Variants in LRRK1 observed in about 807,000 individuals in gnomAD.
LRRK1 encodes the protein leucine rich repeat kinase 1, also known as leucine-rich repeat serine/threonine-protein kinase 1.
In LRRK1, 113 loss-of-function variants were observed where a neutral mutation model predicts 209.1. The observed-to-expected ratio is 0.54, with a 90% confidence interval of 0.46 to 0.63. The LOEUF (loss-of-function observed/expected upper bound fraction) is 0.63, where lower values mean the gene tolerates loss of function less well. LRRK1 is among the 30% of genes least tolerant of loss of function. LRRK1 has a pLI of 0.00. For missense variants in LRRK1, 2,284 were observed against 2,632.2 expected (o/e 0.87, Z 2.89); for synonymous variants, 1,144 against 1,099.7 (o/e 1.04, Z -0.80).
chr15:100,958,770 C>T (rs1015745895), intron 2 of LRRK1, among the ~76,000 whole-genome samples: 18 of 152,134 alleles, frequency 1.2e-4, no homozygotes, highest in Non-Finnish European at 1.8e-4. Flanking sequence ...TGCCACCATC[C>T]GAAGTGGAGA....
At chr15:100,947,986 C>A (rs990875646) in intron 2 of LRRK1, among the ~76,000 whole-genome samples, 2 of 152,190 alleles carry the variant, frequency 1.3e-5, no homozygotes, top group Non-Finnish European at 2.9e-5. Context: ...CAGCTGAAGT[C>A]TTTAAGACAG....
At chr15:100,973,991 G>A (rs770971423) in intron 3 of LRRK1, 24 bp downstream of exon 3, 3 of 1,245,196 alleles carry the variant, frequency 2.4e-6, no homozygotes, top group Non-Finnish European at 3.0e-6. Context: ...TGCCCCTGCG[G>A]CCACCCATGC....
chr15:100,956,558 C>T (rs1041874406), intron 2 of LRRK1, among the ~76,000 whole-genome samples: 3 of 150,468 alleles, frequency 2.0e-5, no homozygotes, highest in African/African-American at 4.9e-5. Context: ...CTCCACCTCC[C>T]GGGTTCAAGC....
At chr15:100,950,723 A>C (rs7179200) in intron 2 of LRRK1, among the ~76,000 whole-genome samples, 61,703 of 152,198 alleles carry the variant, frequency 0.41, 14,905 homozygotes, top group East Asian at 0.73. Context: ...ATGGGAGAAA[A>C]TATTTCCAAA....
intron 2 of LRRK1, among the ~76,000 whole-genome samples, chr15:100,953,609 T>C (rs2042699041): frequency 6.6e-6 from 1 of 152,110 alleles, no homozygotes; most frequent in African/African-American, 2.4e-5. Flanking sequence ...TTCCATATCT[T>C]GGCTCTTGTG....
rs144708676 is a variant in LRRK1 at position 101,025,241 on chromosome 15, G to A, written c.2232+274G>A. ...AGGGTTCCCTTCCTGTTATAAAGATGTCCTTGTCTCCCTGCCTCTGATGGC... is the reference window on the plus strand; with the variant it reads ...AGGGTTCCCTTCCTGTTATAAAGATATCCTTGTCTCCCTGCCTCTGATGGC... On this transcript the variant is annotated intron_variant, in intron 16 of 33. Transcript: ENST00000388948. Among the ~76,000 whole-genome samples the A allele has an allele frequency of 3.2e-3, 486 of 152,252 alleles. 1 individual carries two copies. The highest frequency in any genetic ancestry group is 5.2e-3 in the Non-Finnish European group (355 of 68,018).
intron 26 of LRRK1, 69 bp downstream of exon 26, chr15:101,053,489 G>T: frequency 1.5e-6 from 2 of 1,364,438 alleles, no homozygotes; most frequent in Middle Eastern, 2.1e-4. Context: ...TGCCTGGCAC[G>T]GGGGGTAGAG....
At chr15:100,987,766 A>C (rs1439389453) in intron 4 of LRRK1, among the ~76,000 whole-genome samples, 1 of 152,164 alleles carries the variant, frequency 6.6e-6, no homozygotes, top group East Asian at 1.9e-4. Context: ...TGAAACAGAG[A>C]GAGATTAAGA....
At chr15:100,956,556 C>A (rs1461561154) in intron 2 of LRRK1, among the ~76,000 whole-genome samples, 2 of 149,946 alleles carry the variant, frequency 1.3e-5, no homozygotes, top group Non-Finnish European at 3.0e-5. Flanking sequence ...GCCTCCACCT[C>A]CCGGGTTCAA....
intron 3 of LRRK1, among the ~76,000 whole-genome samples, chr15:100,982,706 T>C (rs565208840): frequency 6.6e-5 from 10 of 152,304 alleles, no homozygotes; most frequent in Non-Finnish European, 1.3e-4. Context: ...TATGAATACA[T>C]TGCAGGATGG....
intron 22 of LRRK1, among the ~76,000 whole-genome samples, chr15:101,049,063 A>G (rs1352077805): frequency 6.6e-6 from 1 of 152,168 alleles, no homozygotes; most frequent in Non-Finnish European, 1.5e-5. Context: ...CTCAGCCCCC[A>G]TCTCCACTGC....
intron 9 of LRRK1, among the ~76,000 whole-genome samples, chr15:101,011,173 A>G (rs1285344053): frequency 3.9e-5 from 6 of 152,100 alleles, no homozygotes; most frequent in African/African-American, 9.7e-5. Flanking sequence ...CTATCACATA[A>G]GAGTAAGAAA....
At chr15:101,013,243 G>A (rs530021863) in intron 10 of LRRK1, among the ~76,000 whole-genome samples, 32 of 152,310 alleles carry the variant, frequency 2.1e-4, no homozygotes, top group South Asian at 4.1e-4. Context: ...TGGCTGCAGC[G>A]GTTCTGATGG....
Position 101,069,054 on chromosome 15 carries a change from T to C in LRRK1, c.*206T>C. On this transcript the variant is annotated 3_prime_UTR_variant, in exon 34 of 34. Coordinates refer to ENST00000388948, the MANE Select transcript of LRRK1 (RefSeq NM_024652.6). ...GTTCTCTGGAGCAGAGTTCTCTGAA[T>C]ACCCCATCCCCCAACTGCTGATTTT... The C allele has an allele frequency of 2.1e-6, 1 of 477,970 alleles. No homozygotes were observed. The highest frequency in any genetic ancestry group is 3.6e-6 in the Non-Finnish European group (1 of 274,074). 29.6% of individuals were successfully genotyped at this position (477,970 alleles called of 1,614,324 possible).
In LRRK1 at chr15:101,061,288, G is replaced by A; in HGVS notation, c.4797G>A (p.Glu1599=). Residue 1599 remains glutamate, a splice_region_variant and synonymous_variant, in exon 30 of 34, where the codon GAG becomes GAA. Coordinates refer to ENST00000388948, the MANE Select transcript of LRRK1 (RefSeq NM_024652.6). ...AGAGATCCCTGTGGACAGCCACCGA[G>A]GTAAGCACTGCCCGCAGGCCTGCCC... ...QVQRSLWTAT[E]DQKIYIYTLK... is the part of the protein sequence containing the mutation. 6.2e-7 allele frequency: 1 copy of A among 1,605,866 alleles called. No individual in the cohort carries two copies. The highest frequency in any genetic ancestry group is 1.7e-5 in the Admixed American group (1 of 59,906).
intron 33 of LRRK1, 43 bp downstream of exon 33, chr15:101,066,784 T>G (rs2036555388): frequency 6.6e-7 from 1 of 1,516,554 alleles, no homozygotes; most frequent in African/African-American, 1.4e-5. Context: ...GGCAGCAGCA[T>G]GAGCACAGAA....
chr15:101,029,141 C>T lies in LRRK1; in HGVS notation c.2872C>T (p.Leu958=), dbSNP rs1450636086. 1 of 1,614,218 alleles carries T rather than the reference C, an allele frequency of 6.2e-7. No homozygotes were observed. Among genetic ancestry groups the T allele is most frequent in the Non-Finnish European group, 8.5e-7 (1 of 1,180,040 alleles). ...VIRAEDLRML[L]VGTGFTQQTE... The stretch of plus-strand genomic sequence containing the variant: ...CAGAGCAGAAGACCTCAGGATGCTG[C>T]TGGTGGGGACTGGCTTCACGCAGCA... The change falls in exon 20 of 34, where the codon CTG becomes TTG. Residue 958 remains leucine, a synonymous_variant. Transcript: ENST00000388948.
chr15:101,066,693 G>A lies in LRRK1; in HGVS notation c.5822G>A (p.Arg1941Gln), dbSNP rs753312283. ...CTGGAGAAGGATTCTGGCGCCCAGC[G>A]GGGCCGAGTCATTGCCGTCTTAAAA... Reference protein sequence around the residue: ...IGLEKDSGAQRGRVIAVLKAR... With the variant: ...IGLEKDSGAQQGRVIAVLKAR... The change falls in exon 33 of 34, where the codon CGG becomes CAG. Residue 1941 changes from arginine (R) to glutamine (Q), a missense_variant. This residue lies in a region of LRRK1 where 643 missense variants were observed against 695.9 expected (regional missense o/e 0.92). Transcript: ENST00000388948. 3.5e-5 allele frequency: 56 copies of A among 1,614,074 alleles called. No individual in the cohort carries two copies. Among genetic ancestry groups the A allele is most frequent in the African/African-American group, 1.1e-4 (8 of 74,930 alleles).
At chr15:101,025,092 A>C (rs2033965037) in intron 16 of LRRK1, 125 bp downstream of exon 16, 1 of 914,198 alleles carries the variant, frequency 1.1e-6, no homozygotes, top group Non-Finnish European at 1.6e-6. Flanking sequence ...GGGCCCCAGA[A>C]CCGTGGTCCT....
Sources: allele counts gnomAD v4.1 joint callset (sites outside exome capture counted in the v4.1 genomes callset), GRCh38; gene constraint gnomAD v4.1.1; regional missense constraint gnomAD v4.1.1; transcripts MANE v1.5; gene names NCBI Gene and HGNC (gene_info 2026-07-23, HGNC 2026-07-21).